Variants in STAU1 observed in about 807,000 individuals in gnomAD.
STAU1 encodes the protein double-stranded RNA-binding protein Staufen homolog 1.
A neutral mutation model predicts 62.9 loss-of-function variants in STAU1; 13 were observed. The observed-to-expected ratio is 0.21, with a 90% CI of 0.13 to 0.33. The LOEUF (loss-of-function observed/expected upper bound fraction) is 0.33. STAU1 is among the 10% of genes least tolerant of loss of function. The pLI is 1.00. For missense variants in STAU1, 571 were observed against 712.1 expected, an observed-to-expected ratio of 0.80 and a Z score of 2.25; for synonymous variants, 269 against 265.1, an observed-to-expected ratio of 1.01 and a Z score of -0.14.
At chr20:49,162,145 C>T (rs946737127) in intron 3 of STAU1, among the ~76,000 whole-genome samples, 3 of 147,976 alleles carry the variant, frequency 2.0e-5, no homozygotes, top group African/African-American at 5.3e-5. Context: ...CCTGGGCATC[C>T]TCTAGTCTTT....
chr20:49,199,614 C>T, the STAU1 span, among the ~76,000 whole-genome samples: 7 of 149,886 alleles, frequency 4.7e-5, no homozygotes, highest in Non-Finnish European at 8.9e-5. Flanking sequence ...GCTCTGTTGC[C>T]CAGGCTGGAG....
intron 8 of STAU1, among the ~76,000 whole-genome samples, chr20:49,122,035 T>C (rs1368729308): frequency 6.6e-6 from 1 of 152,230 alleles, no homozygotes; most frequent in African/African-American, 2.4e-5. Flanking sequence ...TTTTGTGGAA[T>C]GAAAGGATCA....
intron 3 of STAU1, chr20:49,158,968 C>A: frequency 7.7e-7 from 1 of 1,301,574 alleles, no homozygotes; most frequent in Non-Finnish European, 1.0e-6. Context: ...ATCAGGACAT[C>A]AGGGGTCTCC....
the STAU1 span, among the ~76,000 whole-genome samples, chr20:49,203,424 G>C: frequency 3.9e-5 from 6 of 151,952 alleles, no homozygotes; most frequent in Admixed American, 2.6e-4. Flanking sequence ...TTTGAGGAGG[G>C]AAAATCAATA....
Position 49,120,088 on chromosome 20 carries a change from T to A in STAU1, c.1007A>T (p.Asn336Ile), listed in dbSNP as rs1486374768. Residue 336 changes from asparagine (N) to isoleucine (I), a missense_variant, in exon 9 of 14, where the codon AAC (asparagine) becomes ATC (isoleucine). By Grantham distance (149) the Asn-to-Ile change is moderately radical. Around this residue, in one of 3 missense-constraint regions of STAU1, gnomAD observed 414 missense variants for 499.6 expected, o/e 0.83. Transcript: ENST00000371856. Reference sequence around the variant, plus strand: ...TGCATTGCGCTTGGCCACCTTCTTGTTGGTGCCCGTTCCTTCTGCAGTGTG... The same window carrying A: ...TGCATTGCGCTTGGCCACCTTCTTGATGGTGCCCGTTCCTTCTGCAGTGTG... Reference protein sequence around the residue: ...GNHTAEGTGTNKKVAKRNAAE... With the variant: ...GNHTAEGTGTIKKVAKRNAAE... The A allele has an allele frequency of 3.7e-6, 6 of 1,614,200 alleles. No homozygotes were observed. Among genetic ancestry groups the A allele is most frequent in the Non-Finnish European group, 5.1e-6 (6 of 1,180,004 alleles).
the STAU1 span, among the ~76,000 whole-genome samples, chr20:49,210,038 C>T: frequency 1.4e-5 from 2 of 139,440 alleles, no homozygotes; most frequent in African/African-American, 5.0e-5. Context: ...GACAGGGCAA[C>T]ACTCTGTCTC....
At chr20:49,186,788 A>C (rs1446096216) in intron 1 of STAU1, among the ~76,000 whole-genome samples, 1 of 151,972 alleles carries the variant, frequency 6.6e-6, no homozygotes, top group Non-Finnish European at 1.5e-5. Flanking sequence ...GATTCCTGAA[A>C]CGCCAAAATC....
At chr20:49,199,922 C>T in the STAU1 span, among the ~76,000 whole-genome samples, 1 of 152,026 alleles carries the variant, frequency 6.6e-6, no homozygotes, top group African/African-American at 2.4e-5. Flanking sequence ...ATTGCCCAGG[C>T]TGGTCTGCAA....
At chr20:49,183,550 TCTTA>T (rs1333612541) in intron 1 of STAU1, among the ~76,000 whole-genome samples, 1 of 152,184 alleles carries the variant, frequency 6.6e-6, no homozygotes, top group East Asian at 1.9e-4. Flanking sequence ...TGAATTACAC[TCTTA>T]CTCAATCCAG....
At chr20:49,170,160 A>T (rs1468032473) in intron 2 of STAU1, among the ~76,000 whole-genome samples, 1 of 152,232 alleles carries the variant, frequency 6.6e-6, no homozygotes, top group East Asian at 1.9e-4. Context: ...TACCAAGACT[A>T]GACCATACTG....
chr20:49,156,968 C>T (rs992238051), intron 3 of STAU1, among the ~76,000 whole-genome samples: 1 of 151,814 alleles, frequency 6.6e-6, no homozygotes, highest in African/African-American at 2.4e-5. Flanking sequence ...CCTCCACCTC[C>T]TGGGTTCAAG....
the STAU1 span, among the ~76,000 whole-genome samples, chr20:49,208,005 C>T: frequency 1.3e-5 from 2 of 152,026 alleles, no homozygotes; most frequent in Admixed American, 1.3e-4. Flanking sequence ...CTCAGCCTCC[C>T]GAGTAGCTGC....
the STAU1 span, among the ~76,000 whole-genome samples, chr20:49,208,499 G>A: frequency 6.6e-6 from 1 of 151,954 alleles, no homozygotes; most frequent in Non-Finnish European, 1.5e-5. Context: ...CACCATGCCT[G>A]GCACAAGAAA....
At chr20:49,165,960 C>T (rs1196024287) in intron 3 of STAU1, 37 bp downstream of exon 3, 2 of 1,604,276 alleles carry the variant, frequency 1.2e-6, no homozygotes, top group South Asian at 1.1e-5. Flanking sequence ...GGTAAGAAAA[C>T]ATTTGAAATA....
In STAU1 at chr20:49,140,101, G is replaced by A. The variant is rs572540681; in HGVS notation, c.511-4170C>T. 3.4e-4 allele frequency among the ~76,000 whole-genome samples: 52 copies of A among 151,134 alleles called. 2 individuals are homozygous for A. The South Asian group carries it at 9.9e-3, about 29-fold the overall frequency. On this transcript the variant is annotated intron_variant, in intron 5 of 13. Coordinates refer to ENST00000371856, the MANE Select transcript of STAU1 (RefSeq NM_017453.4). Reference sequence around the variant, plus strand: ...CTCGGGAGGCTGAGGCAGGAGAATCGCTTGAACCCAGGAGGCGGAGGTTGC... The same window carrying A: ...CTCGGGAGGCTGAGGCAGGAGAATCACTTGAACCCAGGAGGCGGAGGTTGC...
At chr20:49,212,052 G>A in the STAU1 span, among the ~76,000 whole-genome samples, 2 of 151,904 alleles carry the variant, frequency 1.3e-5, no homozygotes, top group Admixed American at 6.6e-5. Context: ...GCAGTGGCAC[G>A]GTCATGGCTC....
rs752670132 is a variant in STAU1, at chr20:49,153,959, G to A, written c.318C>T (p.Asn106=). ...YSRMQSTYNY[N]MRGGAYPPRY... ...TCGGGGGATAAGCACCTCCTCTCAT[G>A]TTGTAGTTATAGGTGGACTGCATCC... Residue 106 remains asparagine, a synonymous_variant, in exon 4 of 14, where the codon AAC becomes AAT. Coordinates refer to ENST00000371856, the MANE Select transcript of STAU1 (RefSeq NM_017453.4). 6.2e-7 allele frequency: 1 copy of A among 1,602,000 alleles called. No individual in the cohort carries two copies. Among genetic ancestry groups the A allele is most frequent in the East Asian group, 2.2e-5 (1 of 44,668 alleles).
chr20:49,159,033 A>C (rs796287869), intron 3 of STAU1: 2 of 1,276,754 alleles, frequency 1.6e-6, no homozygotes, highest in East Asian at 5.8e-5. Flanking sequence ...AAACAACAGC[A>C]TGAACTCAAA....
the STAU1 span, among the ~76,000 whole-genome samples, chr20:49,201,813 AT>A: frequency 2.4e-4 from 36 of 151,938 alleles, no homozygotes; most frequent in African/African-American, 8.5e-4. Context: ...ACAAAATTAC[AT>A]GTCAGAAATT....
Sources: allele counts gnomAD v4.1 joint callset (sites outside exome capture counted in the v4.1 genomes callset), GRCh38; gene constraint gnomAD v4.1.1; regional missense constraint gnomAD v4.1.1; transcripts MANE v1.5; gene names NCBI Gene and HGNC (gene_info 2026-07-23, HGNC 2026-07-21).